Variants in USP16 observed in about 807,000 individuals in gnomAD.
USP16 encodes ubiquitin specific peptidase 16, also known as ubiquitin carboxyl-terminal hydrolase 16.
USP16 carries 77 observed loss-of-function variants against 95.9 expected under a neutral mutation model. That is an observed-to-expected ratio of 0.80 (90% CI 0.67 to 0.97). USP16 has a LOEUF of 0.97. Ranked by LOEUF, USP16 falls within the 50% of genes least tolerant of loss-of-function variation. USP16 has a pLI of 0.00. For synonymous variants in USP16, 303 were observed against 318.2 expected, an observed-to-expected ratio of 0.95 and a Z score of 0.51; for missense variants, 943 against 959.9, an observed-to-expected ratio of 0.98 and a Z score of 0.23.
chr21:29,050,761 A>G (rs1205723541), intron 16 of USP16, among the ~76,000 whole-genome samples: 4 of 152,162 alleles, frequency 2.6e-5, no homozygotes. Context: ...GAGAAGTGAG[A>G]TAGGAATGAA....
At chr21:29,032,031 C>T (rs2085084535) in intron 3 of USP16, among the ~76,000 whole-genome samples, 1 of 152,052 alleles carries the variant, frequency 6.6e-6, no homozygotes, top group African/African-American at 2.4e-5. Context: ...TTATTCACCA[C>T]CACAGTCACG....
chr21:29,054,044 A>G, intron 17 of USP16, 22 bp from the exon 18 acceptor site: 1 of 1,613,800 alleles, frequency 6.2e-7, no homozygotes, highest in South Asian at 1.1e-5. Flanking sequence ...TTTATGTTTG[A>G]TTTTTCATTT....
Position 29,030,710 on chromosome 21 carries a change from T to C in USP16, c.177T>C (p.Asp59=). 2 of 1,613,900 alleles carry C rather than the reference T, an allele frequency of 1.2e-6. No homozygotes were observed. Among genetic ancestry groups the C allele is most frequent in the Non-Finnish European group, 1.7e-6 (2 of 1,179,936 alleles). ...QDCKTDNKVK[D]KAEEETEEKP... is the part of the protein sequence containing the mutation. ...GTAAGACTGACAATAAAGTGAAAGA[T>C]AAAGCTGAAGAAGAAACAGAAGAAA... The change falls in exon 3 of 18, where the codon GAT becomes GAC. Residue 59 remains aspartate (D), a synonymous_variant. Transcript: ENST00000399976.
chr21:29,035,524 C>T (rs1177735133), intron 4 of USP16, among the ~76,000 whole-genome samples: 2 of 151,814 alleles, frequency 1.3e-5, no homozygotes, highest in East Asian at 3.9e-4. Flanking sequence ...CAGGGATGCA[C>T]CACCACGCCC....
chr21:29,029,701 C>T (rs1236263323), intron 2 of USP16, among the ~76,000 whole-genome samples: 2 of 152,148 alleles, frequency 1.3e-5, no homozygotes, highest in Non-Finnish European at 2.9e-5. Context: ...TTGTGTAACT[C>T]CATCATCTGG....
At chr21:29,041,992 T>C (rs1338572482) in intron 10 of USP16, 21 bp from the exon 11 acceptor site, 1 of 1,602,024 alleles carries the variant, frequency 6.2e-7, no homozygotes, top group Non-Finnish European at 8.5e-7. Context: ...TGGTAATTGA[T>C]AGACTTTTTT....
intron 7 of USP16, 119 bp from the exon 8 acceptor site, chr21:29,038,907 C>A: frequency 9.5e-7 from 1 of 1,054,174 alleles, no homozygotes; most frequent in Non-Finnish European, 1.3e-6. Flanking sequence ...ACATTTTAAA[C>A]TTTTAAATGG....
rs138599539 is a variant in USP16 at position 29,025,615 on chromosome 21, A to C, written c.-42+838A>C. On this transcript the variant is annotated intron_variant, in intron 1 of 17. Coordinates refer to ENST00000399976, the MANE Select transcript of USP16 (RefSeq NM_006447.3). ...TCTTTCAAGTTTTCCTATGGAGTCT[A>C]AGCTGCTGCAATCCTCAAACCAGAT... 1.3e-4 allele frequency: 37 copies of C among 292,392 alleles called. No homozygotes were observed. The East Asian group carries it at 3.8e-3, about 30-fold the overall frequency. 18.1% of individuals were successfully genotyped at this position (292,392 alleles called of 1,614,324 possible).
At chr21:29,035,333 T>C (rs982888598) in intron 4 of USP16, among the ~76,000 whole-genome samples, 1 of 152,132 alleles carries the variant, frequency 6.6e-6, no homozygotes, top group African/African-American at 2.4e-5. Context: ...AAACAGATTT[T>C]TACGTCTTAA....
chr21:29,038,341 T>G lies in USP16; in HGVS notation c.643T>G (p.Ser215Ala), dbSNP rs756694855. 2.5e-6 allele frequency: 4 copies of G among 1,606,738 alleles called. No homozygotes were observed. Among genetic ancestry groups the G allele is most frequent in the East Asian group, 2.2e-5 (1 of 44,788 alleles). ...TTTTCACCCTACATTCTAGAACTTGTCACAAACACCAGTGCTTAGAGAACT... is the reference window on the plus strand; with the variant it reads ...TTTTCACCCTACATTCTAGAACTTGGCACAAACACCAGTGCTTAGAGAACT... ...CFFNAVMQNL[S>A]QTPVLRELLK... The change falls in exon 7 of 18, where the codon TCA becomes GCA. Residue 215 changes from serine (S) to alanine (A), a missense_variant. By Grantham distance (99) the Ser-to-Ala change is moderately conservative. Transcript: ENST00000399976.
intron 1 of USP16, among the ~76,000 whole-genome samples, chr21:29,027,564 A>G (rs982277323): frequency 3.3e-5 from 5 of 152,242 alleles, no homozygotes; most frequent in Admixed American, 3.3e-4. Flanking sequence ...TCACCTTCCT[A>G]AGAGTATCAA....
Position 29,054,348 on chromosome 21 carries a change from G to GT in USP16, c.*162dup. The stretch of plus-strand genomic sequence containing the variant: ...ATTGAAGGGAAAAATACCTAAAAAT[G>GT]TACAAAGGTTTTATATTGTCATAGT... On this transcript the variant is annotated 3_prime_UTR_variant, in exon 18 of 18. Transcript: ENST00000399976. 1 of 953,940 alleles carries GT rather than the reference G, an allele frequency of 1.0e-6. No individual in the cohort carries two copies. The highest frequency in any genetic ancestry group is 3.0e-5 in the Admixed American group (1 of 33,358). 59.1% of individuals were successfully genotyped at this position (953,940 alleles called of 1,614,324 possible). A position where few individuals can be genotyped will look rare whatever the true frequency, so the allele number is the denominator to read the frequency against.
intron 10 of USP16, 100 bp downstream of exon 10, chr21:29,040,787 T>C: frequency 1.9e-6 from 1 of 516,496 alleles, no homozygotes; most frequent in Non-Finnish European, 3.2e-6. Flanking sequence ...CAATTATTAA[T>C]GTATAATTTC....
At chr21:29,031,744 T>A (rs2085080358) in intron 3 of USP16, among the ~76,000 whole-genome samples, 1 of 152,208 alleles carries the variant, frequency 6.6e-6, no homozygotes, top group Non-Finnish European at 1.5e-5. Flanking sequence ...CAGCCAGGAT[T>A]TTTTGTTTTT....
rs2085228534 is a variant in USP16, at chr21:29,040,599, T to A, written c.952-10T>A. ...TAATAGTATATATATATCCATTTTA[T>A]TACTTTTAGAGAGTGAGTAAAGGAA... On this transcript the variant is annotated splice_polypyrimidine_tract_variant and intron_variant, in intron 9 of 17. Transcript: ENST00000399976. 7.4e-7 allele frequency: 1 copy of A among 1,356,574 alleles called. No homozygotes were observed. The highest frequency in any genetic ancestry group is 1.0e-6 in the Non-Finnish European group (1 of 986,616). 84.0% of individuals were successfully genotyped at this position (1,356,574 alleles called of 1,614,324 possible). A position where few individuals can be genotyped will look rare whatever the true frequency, so the allele number is the denominator to read the frequency against.
At chr21:29,033,820 G>C (rs1199454293) in intron 3 of USP16, among the ~76,000 whole-genome samples, 1 of 152,226 alleles carries the variant, frequency 6.6e-6, no homozygotes, top group Non-Finnish European at 1.5e-5. Flanking sequence ...AAAGGAAGGA[G>C]ACAGTATTTT....
At chr21:29,037,523 T>G in intron 6 of USP16, 60 bp downstream of exon 6, 1 of 1,355,716 alleles carries the variant, frequency 7.4e-7, no homozygotes, top group Non-Finnish European at 9.7e-7. Flanking sequence ...AATCTGCTAC[T>G]TACATTATTG....
rs376368961 is a variant in USP16 at position 29,053,660 on chromosome 21, G to A, written c.2194-142G>A. The A allele has an allele frequency of 2.7e-3, 2,097 of 768,480 alleles. 6 individuals carry two copies. The highest frequency in any genetic ancestry group is 3.8e-3 in the Non-Finnish European group (1,851 of 491,712). 47.6% of individuals were successfully genotyped at this position (768,480 alleles called of 1,614,324 possible). ...GTGTCTCAGGCTGAGAAGAGGTATG[G>A]AGAAAAGAGTAGACTCATGAATGAT... On this transcript the variant is annotated intron_variant, in intron 16 of 17. Coordinates refer to ENST00000399976, the MANE Select transcript of USP16 (RefSeq NM_006447.3).
chr21:29,032,791 A>C (rs2085096581), intron 3 of USP16, among the ~76,000 whole-genome samples: 1 of 152,188 alleles, frequency 6.6e-6, no homozygotes, highest in Non-Finnish European at 1.5e-5. Context: ...CAAGAGTGCA[A>C]TTGCTGGGTC....
Sources: gnomAD v4.1 joint callset for allele counts (sites outside exome capture counted in the v4.1 genomes callset) on GRCh38, gnomAD v4.1.1 for gene constraint, MANE v1.5 for transcripts, NCBI Gene and HGNC (gene_info 2026-07-23, HGNC 2026-07-21) for gene names.